The following LRP12 variants were observed in gnomAD, a reference collection of about 807,000 sequenced individuals.
LRP12 encodes the protein LDL receptor related protein 12.
Under a neutral mutation model 66.0 loss-of-function variants are expected in LRP12, and 14 were observed. That is an observed-to-expected ratio of 0.21 (90% confidence interval 0.14 to 0.33). LRP12 has a LOEUF of 0.33. Among genes scored for constraint, LRP12 ranks in the 10% least tolerant of loss-of-function variants. The pLI, the probability that LRP12 is intolerant of heterozygous loss-of-function variation, is 1.00. For missense variants in LRP12, 889 were observed against 1,053.4 expected (o/e 0.84, Z 2.16); for synonymous variants, 357 against 359.1 (o/e 0.99, Z 0.07).
chr8:104,588,737 G>A (rs1225576690), intron 1 of LRP12, 82 bp downstream of exon 1: 13 of 1,253,390 alleles, frequency 1.0e-5, no homozygotes, highest in Non-Finnish European at 1.5e-5. Flanking sequence ...AGTCTCCAGG[G>A]GAACCCCCGT....
intron 1 of LRP12, among the ~76,000 whole-genome samples, chr8:104,538,715 T>C (rs1198397720): frequency 6.6e-6 from 1 of 152,170 alleles, no homozygotes; most frequent in African/African-American, 2.4e-5. Flanking sequence ...AAAGCAGCAC[T>C]GACTAACAGA....
intron 1 of LRP12, among the ~76,000 whole-genome samples, chr8:104,588,415 G>A (rs1812370095): frequency 6.6e-6 from 1 of 152,194 alleles, no homozygotes; most frequent in African/African-American, 2.4e-5. Context: ...GCGGGGGGAA[G>A]GACCGTCCCG....
At chr8:104,551,429 T>C (rs950569394) in intron 1 of LRP12, among the ~76,000 whole-genome samples, 1 of 152,120 alleles carries the variant, frequency 6.6e-6, no homozygotes, top group African/African-American at 2.4e-5. Flanking sequence ...CATGGGTAGA[T>C]TGTGTGATGC....
chr8:104,527,598 C>T (rs369318991), intron 2 of LRP12, among the ~76,000 whole-genome samples: 20 of 151,746 alleles, frequency 1.3e-4, no homozygotes, highest in African/African-American at 3.9e-4. Context: ...AACCAAACAC[C>T]GCATGTTCTC....
intron 1 of LRP12, among the ~76,000 whole-genome samples, chr8:104,586,663 C>G (rs2140904319): frequency 6.6e-6 from 1 of 152,298 alleles, no homozygotes; most frequent in East Asian, 1.9e-4. Context: ...AGAACCACAT[C>G]CACCCCATAC....
At chr8:104,552,673 G>A (rs1811747337) in intron 1 of LRP12, among the ~76,000 whole-genome samples, 1 of 152,046 alleles carries the variant, frequency 6.6e-6, no homozygotes, top group Non-Finnish European at 1.5e-5. Flanking sequence ...GTGAAGCAGA[G>A]AATTATCCTT....
chr8:104,527,926 T>C (rs537325002), intron 2 of LRP12, among the ~76,000 whole-genome samples: 1 of 152,182 alleles, frequency 6.6e-6, no homozygotes, highest in Admixed American at 6.5e-5. Flanking sequence ...AATATTTTAC[T>C]CACCACTTAC....
rs1324993612 is a variant in LRP12, at chr8:104,497,091, T to C, written c.1461A>G (p.Val487=). The change falls in exon 5 of 7, where the codon GTA becomes GTG. Residue 487 remains valine, a synonymous_variant. Transcript: ENST00000276654. This position sits in a 1 kb window ranked among gnomAD's most constrained non-coding sequence, Gnocchi z 4.3. Reference sequence around the variant, plus strand: ...CAGTGATGACTCTTGTAGGCACGATTACTGGGCAATTTTCTTCATCGCTGC... The same window carrying C: ...CAGTGATGACTCTTGTAGGCACGATCACTGGGCAATTTTCTTCATCGCTGC... ...GDGSDEENCP[V]IVPTRVITAA... is the part of the protein sequence containing the mutation. 2.5e-6 allele frequency: 4 copies of C among 1,613,676 alleles called. No individual in the cohort carries two copies. The highest frequency in any genetic ancestry group is 1.1e-5 in the South Asian group (1 of 90,972).
chr8:104,505,399 CTTTT>C (rs57277820), intron 3 of LRP12: 1,246 of 103,340 alleles, frequency 0.012, 17 homozygotes, highest in African/African-American at 0.046. Flanking sequence ...TCCTTCTTTC[CTTTT>C]TTTTTTTTTT....
At chr8:104,559,953 G>A (rs1220088509) in intron 1 of LRP12, among the ~76,000 whole-genome samples, 1 of 152,020 alleles carries the variant, frequency 6.6e-6, no homozygotes, top group Admixed American at 6.6e-5. Flanking sequence ...AAATATTTGA[G>A]GTAGATATTG....
At chr8:104,533,564 TA>T (rs1811356593) in intron 1 of LRP12, among the ~76,000 whole-genome samples, 1 of 152,142 alleles carries the variant, frequency 6.6e-6, no homozygotes. Context: ...GGTTTGGGCT[TA>T]AATCTTCTAC....
chr8:104,517,847 T>TA (rs1163329919), intron 2 of LRP12, among the ~76,000 whole-genome samples: 1 of 152,026 alleles, frequency 6.6e-6, no homozygotes, highest in Non-Finnish European at 1.5e-5. Flanking sequence ...ATCTCCAAAA[T>TA]AAAAATTTGG....
At chr8:104,580,929 G>A (rs140724790) in intron 1 of LRP12, among the ~76,000 whole-genome samples, 109 of 152,284 alleles carry the variant, frequency 7.2e-4, no homozygotes, top group African/African-American at 2.4e-3. Flanking sequence ...TCCCATTACT[G>A]GGAATACACC....
intron 1 of LRP12, among the ~76,000 whole-genome samples, chr8:104,557,778 T>A (rs1811834943): frequency 6.6e-6 from 1 of 151,998 alleles, no homozygotes; most frequent in African/African-American, 2.4e-5. Flanking sequence ...AATCCTAAAA[T>A]TCATATGAAA....
chr8:104,575,253 C>T (rs1224254723), intron 1 of LRP12, among the ~76,000 whole-genome samples: 1 of 152,178 alleles, frequency 6.6e-6, no homozygotes, highest in African/African-American at 2.4e-5. Flanking sequence ...TTCAGTGTGA[C>T]TAGAGCCCCA....
intron 1 of LRP12, among the ~76,000 whole-genome samples, chr8:104,548,617 AATTATATAATT>A (rs1160970103): frequency 8.7e-6 from 1 of 115,110 alleles, no homozygotes; most frequent in Non-Finnish European, 1.7e-5. Context: ...TAATTAAATT[AATTATATAATT>A]ATTATATAAT....
At chr8:104,508,902 T>C in intron 3 of LRP12, 37 bp downstream of exon 3, 1 of 1,527,840 alleles carries the variant, frequency 6.5e-7, no homozygotes, top group South Asian at 1.2e-5. Flanking sequence ...TTATGTTTTG[T>C]AATAAATTAT....
At chr8:104,533,278 G>C (rs115995549) in intron 1 of LRP12, among the ~76,000 whole-genome samples, 1,978 of 152,142 alleles carry the variant, frequency 0.013, 48 homozygotes, top group African/African-American at 0.044. Context: ...GAAATGACCA[G>C]AAAGACTGTA....
chr8:104,499,051 G>C (rs559296838), intron 4 of LRP12, among the ~76,000 whole-genome samples: 1 of 152,158 alleles, frequency 6.6e-6, no homozygotes, highest in Non-Finnish European at 1.5e-5. Flanking sequence ...GGGAGAAAAG[G>C]CTATTCTTAG....
Sources: gnomAD v4.1 joint callset for allele counts (sites outside exome capture counted in the v4.1 genomes callset) on GRCh38, gnomAD v4.1.1 for gene constraint, Gnocchi (gnomAD v3.1) non-coding constraint, MANE v1.5 for transcripts, NCBI Gene and HGNC (gene_info 2026-07-23, HGNC 2026-07-21) for gene names.